LAPTM4B: variants seen among roughly 807,000 people sequenced by gnomAD.
The protein encoded by LAPTM4B is lysosomal-associated transmembrane protein 4B.
Under a neutral mutation model 28.5 loss-of-function variants are expected in LAPTM4B, and 26 were observed. That is an observed-to-expected ratio of 0.91 (90% CI 0.67 to 1.27). The LOEUF (loss-of-function observed/expected upper bound fraction) is 1.27. Ranked by LOEUF, LAPTM4B falls within the 50% of genes most tolerant of loss-of-function variation. The probability of loss-of-function intolerance (pLI) is 0.00; values close to 1 mark genes in which losing one functional copy is unlikely to be tolerated. For synonymous variants in LAPTM4B, 109 were observed against 106.4 expected (o/e 1.02, Z -0.15); for missense variants, 288 against 285.8 (o/e 1.01, Z -0.06).
intron 4 of LAPTM4B, among the ~76,000 whole-genome samples, chr8:97,817,240 T>A (rs1816932711): frequency 1.3e-5 from 2 of 151,462 alleles, no homozygotes; most frequent in South Asian, 2.1e-4. Context: ...CCCGTGATCC[T>A]CCCATCTCAA....
chr8:97,838,378 T>C (rs970158216), intron 6 of LAPTM4B, among the ~76,000 whole-genome samples: 2 of 152,210 alleles, frequency 1.3e-5, no homozygotes, highest in Non-Finnish European at 2.9e-5. Context: ...CTCCCTACTC[T>C]TGTGTTTGTA....
Position 97,815,926 on chromosome 8 carries a change from T to G in LAPTM4B, c.286-132T>G, listed in dbSNP as rs185393761. The G allele has an allele frequency of 7.0e-5, 57 of 820,126 alleles. No individual in the cohort carries two copies. In the African/African-American group the frequency reaches 8.7e-4, roughly 13 times the overall value. The allele number at this position is 820,126 out of a possible 1,614,324, so 50.8% of individuals were successfully genotyped here. On this transcript the variant is annotated intron_variant, in intron 3 of 6. Transcript: ENST00000521545. ...GACTGCTTATATTTGGCATACTGGT[T>G]TCCACCATGACCTGGGTTAATGAAT...
rs546008049 is a variant in LAPTM4B at position 97,776,253 on chromosome 8, C to G, written c.99+145C>G. The G allele has an allele frequency of 1.5e-5, 16 of 1,070,944 alleles. No homozygotes were observed. The South Asian group carries it at 2.4e-4, about 16-fold the overall frequency. The allele number at this position is 1,070,944 out of a possible 1,614,324, so 66.3% of individuals were successfully genotyped here. A position where few individuals can be genotyped will look rare whatever the true frequency, so the allele number is the denominator to read the frequency against. The stretch of plus-strand genomic sequence containing the variant: ...AAACTTAATTCTCCGGGTGCCGCGT[C>G]CGCACTTCCCCCGGCTGGGCCAGCG... On this transcript the variant is annotated intron_variant, in intron 1 of 6. Transcript: ENST00000521545.
At position 97,819,248 on chromosome 8, in the gene LAPTM4B, A is replaced by G; in HGVS notation, c.507+10A>G. ...TATCTTGACTTTTAAGGTAAGCATG[A>G]AGATTTTACTTATAGTCTAAAAATA... On this transcript the variant is annotated intron_variant, in intron 5 of 6. Transcript: ENST00000521545. 1 of 1,475,106 alleles carries G rather than the reference A, an allele frequency of 6.8e-7. No homozygotes were observed. Among genetic ancestry groups the G allele is most frequent in the African/African-American group, 1.4e-5 (1 of 71,494 alleles). 91.4% of individuals were successfully genotyped at this position (1,475,106 alleles called of 1,614,324 possible).
intron 6 of LAPTM4B, among the ~76,000 whole-genome samples, chr8:97,828,081 A>G (rs1036953516): frequency 1.3e-5 from 2 of 152,194 alleles, no homozygotes; most frequent in African/African-American, 2.4e-5. Context: ...AGAGGTTACA[A>G]TGGCTTGACC....
At chr8:97,795,367 C>T (rs1002911049) in intron 1 of LAPTM4B, among the ~76,000 whole-genome samples, 1 of 152,080 alleles carries the variant, frequency 6.6e-6, no homozygotes, top group Non-Finnish European at 1.5e-5. Context: ...GCTGGGATTA[C>T]AGGAGTAAGC....
At chr8:97,815,472 T>C (rs1398545690) in intron 3 of LAPTM4B, 71 bp downstream of exon 3, 1 of 1,042,146 alleles carries the variant, frequency 9.6e-7, no homozygotes, top group African/African-American at 1.6e-5. Context: ...CTGCTGTCTA[T>C]AGTGAGAAGT....
At position 97,823,029 on chromosome 8, in the gene LAPTM4B, G is replaced by A. The variant is rs559701845; in HGVS notation, c.508-2029G>A. 2.0e-5 allele frequency among the ~76,000 whole-genome samples: 3 copies of A among 152,072 alleles called. No individual in the cohort carries two copies. The South Asian group carries it at 6.2e-4, about 32-fold the overall frequency. The stretch of plus-strand genomic sequence containing the variant: ...GCTAGTTTTTTGTATTTTTACTAGA[G>A]ACAGGGTTTCATCGCGTTAGCCAGG... On this transcript the variant is annotated intron_variant, in intron 5 of 6. Transcript: ENST00000521545.
chr8:97,850,613 C>T (rs75284460), intron 6 of LAPTM4B, among the ~76,000 whole-genome samples: 8,963 of 149,842 alleles, frequency 0.06, 1,055 homozygotes, highest in African/African-American at 0.21. Context: ...AAGTGATATC[C>T]CTGATAGAAA....
intron 2 of LAPTM4B, among the ~76,000 whole-genome samples, 197 bp downstream of exon 2, chr8:97,805,661 T>C (rs1031870683): frequency 7.5e-6 from 1 of 132,762 alleles, no homozygotes; most frequent in Non-Finnish European, 1.7e-5. Flanking sequence ...TTTCATCTTA[T>C]GTTAACTTAC....
rs959939906 is a variant in LAPTM4B at position 97,775,935 on chromosome 8, C to T, written c.-75C>T. 9.5e-6 allele frequency: 14 copies of T among 1,467,184 alleles called. No individual in the cohort carries two copies. In the African/African-American group the frequency reaches 1.8e-4, roughly 18 times the overall value. The allele number at this position is 1,467,184 out of a possible 1,614,324, so 90.9% of individuals were successfully genotyped here. On this transcript the variant is annotated 5_prime_UTR_variant, in exon 1 of 7. Transcript: ENST00000521545. ...GCGGCGGAGGAGCCGGCAGCAGCGGCGCGGCGGGCTCCAGGCGAGGCGGTC... is the reference window on the plus strand; with the variant it reads ...GCGGCGGAGGAGCCGGCAGCAGCGGTGCGGCGGGCTCCAGGCGAGGCGGTC...
At chr8:97,823,365 T>TGC in intron 5 of LAPTM4B, among the ~76,000 whole-genome samples, 2 of 124,466 alleles carry the variant, frequency 1.6e-5, no homozygotes, top group African/African-American at 7.1e-5. Flanking sequence ...TGTTTTTTTT[T>TGC]TGTTGTTGTT....
In LAPTM4B at chr8:97,829,284, A is replaced by G. The variant is rs1486407022; in HGVS notation, c.603+4131A>G. 2.6e-5 allele frequency among the ~76,000 whole-genome samples: 4 copies of G among 152,268 alleles called. No individual in the cohort carries two copies. The East Asian group carries it at 7.7e-4, about 29-fold the overall frequency. ...TAGGTATAAGCAGGCAAGAAGAAGGACTTGGAGGGGAATCTGTTGAACGGG... is the reference window on the plus strand; with the variant it reads ...TAGGTATAAGCAGGCAAGAAGAAGGGCTTGGAGGGGAATCTGTTGAACGGG... On this transcript the variant is annotated intron_variant, in intron 6 of 6. Transcript: ENST00000521545.
chr8:97,784,125 C>T (rs1816366876), intron 1 of LAPTM4B, among the ~76,000 whole-genome samples: 1 of 152,094 alleles, frequency 6.6e-6, no homozygotes, highest in Non-Finnish European at 1.5e-5. Context: ...TGGGCATTCA[C>T]ATTTGTTCTT....
intron 6 of LAPTM4B, among the ~76,000 whole-genome samples, chr8:97,849,811 CCTGCCCG>C (rs1817493402): frequency 6.6e-6 from 1 of 151,532 alleles, no homozygotes; most frequent in African/African-American, 2.4e-5. Context: ...CCTCCACCCC[CCTGCCCG>C]CCTGCCCGCC....
chr8:97,788,101 A>C (rs550528404), intron 1 of LAPTM4B: 2 of 154,238 alleles, frequency 1.3e-5, no homozygotes, highest in African/African-American at 4.8e-5. Context: ...TATATTCCCA[A>C]TAAAACGTCC....
intron 2 of LAPTM4B, among the ~76,000 whole-genome samples, chr8:97,805,676 T>A (rs896299932): frequency 8.4e-6 from 1 of 119,754 alleles, no homozygotes; most frequent in Admixed American, 8.1e-5. Context: ...ACTTACCCAC[T>A]TAAAAATGAT....
At chr8:97,792,984 C>T (rs537297038) in intron 1 of LAPTM4B, among the ~76,000 whole-genome samples, 1 of 152,040 alleles carries the variant, frequency 6.6e-6, no homozygotes, top group African/African-American at 2.4e-5. Context: ...ATAGTGTCAC[C>T]TCAGAAATCA....
At chr8:97,795,884 G>T in intron 1 of LAPTM4B, among the ~76,000 whole-genome samples, 1 of 140,172 alleles carries the variant, frequency 7.1e-6, no homozygotes, top group Non-Finnish European at 1.5e-5. Flanking sequence ...TGGTACTTTT[G>T]ATCTCTTCCT....
Sources: allele counts gnomAD v4.1 joint callset (sites outside exome capture counted in the v4.1 genomes callset), GRCh38; gene constraint gnomAD v4.1.1; transcripts MANE v1.5; gene names NCBI Gene and HGNC (gene_info 2026-07-23, HGNC 2026-07-21).